CHCHD3: variants seen among roughly 807,000 people sequenced by gnomAD.
The protein encoded by CHCHD3 is coiled-coil-helix-coiled-coil-helix domain containing 3.
CHCHD3 carries 20 observed loss-of-function variants against 38.2 expected under a neutral mutation model. That is an observed-to-expected ratio of 0.52 (90% CI 0.37 to 0.76). CHCHD3 has a LOEUF of 0.76. CHCHD3 is among the 30% of genes least tolerant of loss of function. The pLI is 0.00. For synonymous variants in CHCHD3, 82 were observed against 100.0 expected (o/e 0.82, Z 1.07); for missense variants, 245 against 279.2 (o/e 0.88, Z 0.87).
chr7:132,911,679 C>T (rs1411119729), intron 4 of CHCHD3, among the ~76,000 whole-genome samples: 3 of 152,202 alleles, frequency 2.0e-5, no homozygotes, highest in African/African-American at 7.2e-5. Flanking sequence ...AACCTTTGCT[C>T]TGCTCCCCAT....
chr7:132,826,303 T>G (rs183879214), intron 6 of CHCHD3, among the ~76,000 whole-genome samples: 8 of 152,338 alleles, frequency 5.3e-5, no homozygotes, highest in Admixed American at 3.3e-4. Flanking sequence ...CTTACTTCTT[T>G]GTAATTGCAA....
intron 4 of CHCHD3, 151 bp from the exon 5 acceptor site, chr7:132,885,896 G>T: frequency 2.0e-6 from 1 of 510,830 alleles, no homozygotes; most frequent in Non-Finnish European, 3.3e-6. Flanking sequence ...TTAAGATGAT[G>T]ATTGCTGTAT....
At chr7:132,866,140 T>G (rs1562889874) in intron 5 of CHCHD3, among the ~76,000 whole-genome samples, 1 of 152,154 alleles carries the variant, frequency 6.6e-6, no homozygotes, top group Non-Finnish European at 1.5e-5. Context: ...ATGTGGCCCA[T>G]GCACATATTA....
intron 3 of CHCHD3, among the ~76,000 whole-genome samples, chr7:132,982,496 G>A (rs1811944896): frequency 6.6e-6 from 1 of 152,154 alleles, no homozygotes; most frequent in Non-Finnish European, 1.5e-5. Context: ...TGTTGGCCAG[G>A]CTGGTCTTGA....
At chr7:132,827,847 C>T (rs1485132235) in intron 6 of CHCHD3, among the ~76,000 whole-genome samples, 1 of 152,110 alleles carries the variant, frequency 6.6e-6, no homozygotes, top group African/African-American at 2.4e-5. Context: ...TTACATGTAT[C>T]GATAGTTTGC....
chr7:132,821,783 T>C (rs1004895292), intron 6 of CHCHD3, among the ~76,000 whole-genome samples: 1 of 126,182 alleles, frequency 7.9e-6, no homozygotes, highest in African/African-American at 3.3e-5. Flanking sequence ...TGAGACGGAG[T>C]CTCGCTCTGT....
intron 2 of CHCHD3, among the ~76,000 whole-genome samples, chr7:133,063,142 A>G (rs1268873518): frequency 1.3e-5 from 2 of 152,206 alleles, no homozygotes; most frequent in Admixed American, 1.3e-4. Context: ...CCCTCCTCTC[A>G]ATTTTAAAAT....
At chr7:132,898,695 C>A (rs932779920) in intron 4 of CHCHD3, among the ~76,000 whole-genome samples, 12 of 152,266 alleles carry the variant, frequency 7.9e-5, no homozygotes, top group African/African-American at 2.9e-4. Flanking sequence ...CACAGGAGCC[C>A]ACGGAGCGGG....
At chr7:132,992,326 AGTCCCAGACC>A (rs1812303966) in intron 3 of CHCHD3, among the ~76,000 whole-genome samples, 2 of 152,290 alleles carry the variant, frequency 1.3e-5, no homozygotes, top group African/African-American at 2.4e-5. Flanking sequence ...TGAAAATCTC[AGTCCCAGACC>A]CACAGGTCTC....
intron 3 of CHCHD3, among the ~76,000 whole-genome samples, chr7:133,021,333 C>A (rs1813172394): frequency 1.3e-5 from 2 of 152,132 alleles, no homozygotes; most frequent in Non-Finnish European, 2.9e-5. Flanking sequence ...CAGGGGCATG[C>A]AAAGAAATTC....
At chr7:133,054,718 T>A (rs763643154) in intron 2 of CHCHD3, among the ~76,000 whole-genome samples, 2 of 152,170 alleles carry the variant, frequency 1.3e-5, no homozygotes, top group Non-Finnish European at 2.9e-5. Flanking sequence ...AACCACCACT[T>A]CTGCTCTTTA....
chr7:132,952,574 G>A (rs117133173), intron 4 of CHCHD3, among the ~76,000 whole-genome samples: 1,597 of 152,278 alleles, frequency 0.01, 12 homozygotes, highest in South Asian at 0.066. Context: ...CTAAAGAAAG[G>A]AAAGTACTCA....
chr7:132,978,765 A>T (rs2117339941), intron 3 of CHCHD3, among the ~76,000 whole-genome samples: 1 of 152,162 alleles, frequency 6.6e-6, no homozygotes, highest in Non-Finnish European at 1.5e-5. Context: ...CCCCTCCAAC[A>T]TCAACACCTA....
At chr7:133,019,586 C>T (rs1194313374) in intron 3 of CHCHD3, among the ~76,000 whole-genome samples, 1 of 152,120 alleles carries the variant, frequency 6.6e-6, no homozygotes. Context: ...TCTAATGTAA[C>T]TTTCCAAATA....
In CHCHD3 at chr7:132,813,988, T is replaced by C. The variant is rs1585537609; in HGVS notation, c.525-17411A>G. Reference sequence around the variant, plus strand: ...GTATTTGAAGTAATTACACTTGGCATAGATTTACCCACTGCTGGTGGCAGG... The same window carrying C: ...GTATTTGAAGTAATTACACTTGGCACAGATTTACCCACTGCTGGTGGCAGG... On this transcript the variant is annotated intron_variant, in intron 6 of 7. Coordinates refer to ENST00000262570, the MANE Select transcript of CHCHD3 (RefSeq NM_017812.4). 7.9e-5 allele frequency among the ~76,000 whole-genome samples: 12 copies of C among 152,346 alleles called. 4 individuals are homozygous for C. Among genetic ancestry groups the C allele is most frequent in the Admixed American group, 7.8e-4 (12 of 15,302 alleles).
chr7:132,802,674 G>C (rs1406160192), intron 6 of CHCHD3, among the ~76,000 whole-genome samples: 1 of 152,100 alleles, frequency 6.6e-6, no homozygotes, highest in Non-Finnish European at 1.5e-5. Context: ...TCGCTAAAAA[G>C]GGAGATAAAA....
chr7:132,966,407 A>T (rs1422493538), intron 4 of CHCHD3, among the ~76,000 whole-genome samples: 3 of 152,254 alleles, frequency 2.0e-5, no homozygotes, highest in Non-Finnish European at 4.4e-5. Context: ...CAAGAAACAC[A>T]GAAAAAGCAT....
chr7:132,865,373 G>A (rs766444727), intron 5 of CHCHD3, among the ~76,000 whole-genome samples: 23 of 152,306 alleles, frequency 1.5e-4, no homozygotes, highest in South Asian at 6.2e-4. Context: ...AACCAGGAAG[G>A]AGAATTCACC....
intron 4 of CHCHD3, among the ~76,000 whole-genome samples, chr7:132,895,880 G>C (rs1809481750): frequency 6.6e-6 from 1 of 152,198 alleles, no homozygotes. Flanking sequence ...TTGGTTGTTT[G>C]AGATCAAATA....
Sources: gnomAD v4.1 joint callset for allele counts (sites outside exome capture counted in the v4.1 genomes callset) on GRCh38, gnomAD v4.1.1 for gene constraint, MANE v1.5 for transcripts, NCBI Gene and HGNC (gene_info 2026-07-23, HGNC 2026-07-21) for gene names.